SYNDIG1: variants seen among roughly 807,000 people sequenced by gnomAD.
The protein encoded by SYNDIG1 is synapse differentiation-inducing gene protein 1.
Under a neutral mutation model 19.4 loss-of-function variants are expected in SYNDIG1, and 9 were observed. That is an observed-to-expected ratio of 0.46 (90% CI 0.28 to 0.81). The LOEUF is 0.81. Ranked by LOEUF, SYNDIG1 falls within the 30% of genes least tolerant of loss-of-function variation. The pLI is 0.12. For synonymous variants in SYNDIG1, 141 were observed against 145.9 expected (o/e 0.97, Z 0.24); for missense variants, 311 against 343.3 (o/e 0.91, Z 0.74).
intron 1 of SYNDIG1, among the ~76,000 whole-genome samples, chr20:24,527,316 A>C (rs570238105): frequency 6.6e-6 from 1 of 152,162 alleles, no homozygotes; most frequent in East Asian, 1.9e-4. Context: ...TTTTTACTCC[A>C]ACAAAAATAT....
intron 2 of SYNDIG1, among the ~76,000 whole-genome samples, chr20:24,563,505 C>A (rs1158678280): frequency 2.0e-5 from 3 of 152,180 alleles, no homozygotes; most frequent in Non-Finnish European, 2.9e-5. Flanking sequence ...CCTAAATGAC[C>A]ACATGCTGCG....
At chr20:24,567,567 G>A (rs2058070276) in intron 2 of SYNDIG1, among the ~76,000 whole-genome samples, 1 of 152,226 alleles carries the variant, frequency 6.6e-6, no homozygotes, top group Non-Finnish European at 1.5e-5. Flanking sequence ...TCTGACCTGT[G>A]TGATGTGGAA....
intron 2 of SYNDIG1, among the ~76,000 whole-genome samples, chr20:24,578,988 G>T (rs1040561177): frequency 6.6e-6 from 1 of 152,206 alleles, no homozygotes; most frequent in Non-Finnish European, 1.5e-5. Context: ...GGCTTGAGCC[G>T]AGCCACCCGT....
chr20:24,496,353 A>G (rs959969085), intron 1 of SYNDIG1, among the ~76,000 whole-genome samples: 4 of 152,240 alleles, frequency 2.6e-5, no homozygotes, highest in Non-Finnish European at 1.5e-5. Context: ...GTTAATGAAC[A>G]TGGATATCTC....
In SYNDIG1 at chr20:24,480,628, A is replaced by G. The variant is rs1344653363; in HGVS notation, c.-79+10875A>G. Among the ~76,000 whole-genome samples the G allele has an allele frequency of 2.0e-5, 3 of 152,234 alleles. No individual in the cohort carries two copies. The East Asian group carries it at 5.8e-4, about 29-fold the overall frequency. ...ATCCAGCAGTCCCACTTCTGGGTAT[A>G]TATCCAAAATAATGGAAAGCAGAGT... On this transcript the variant is annotated intron_variant, in intron 1 of 3. Coordinates refer to ENST00000376862, the MANE Select transcript of SYNDIG1 (RefSeq NM_024893.3).
chr20:24,473,167 G>A lies in SYNDIG1; in HGVS notation c.-79+3414G>A, dbSNP rs138621325. On this transcript the variant is annotated intron_variant, in intron 1 of 3. Transcript: ENST00000376862. ...GGTGACAAGGACTGAAGTATGTGGGGTGTTAATTTGACAACACCAGCAGAA... is the reference window on the plus strand; with the variant it reads ...GGTGACAAGGACTGAAGTATGTGGGATGTTAATTTGACAACACCAGCAGAA... Among the ~76,000 whole-genome samples, 1,300 of 152,276 alleles carry A rather than the reference G, an allele frequency of 8.5e-3. 17 individuals are homozygous for A. The highest frequency in any genetic ancestry group is 0.028 in the African/African-American group (1,146 of 41,540).
chr20:24,507,887 C>T (rs754421854), intron 1 of SYNDIG1, among the ~76,000 whole-genome samples: 6 of 152,140 alleles, frequency 3.9e-5, no homozygotes, highest in Non-Finnish European at 7.4e-5. Flanking sequence ...GCTGGTGGGA[C>T]AGCCAGGAGG....
At chr20:24,502,866 T>TAAAGCA (rs1339623267) in intron 1 of SYNDIG1, among the ~76,000 whole-genome samples, 1 of 152,242 alleles carries the variant, frequency 6.6e-6, no homozygotes, top group African/African-American at 2.4e-5. Context: ...CAGTGCCTGC[T>TAAAGCA]GACGTGTCTG....
In SYNDIG1 at chr20:24,666,478, CTTAAG is replaced by C. The variant is rs1237608967; in HGVS notation, c.*978_*982del. 1 of 152,640 alleles carries C rather than the reference CTTAAG, an allele frequency of 6.6e-6. No individual in the cohort carries two copies. The highest frequency in any genetic ancestry group is 1.5e-5 in the Non-Finnish European group (1 of 68,056). The allele number at this position is 152,640 out of a possible 1,614,324, so 9.5% of individuals were successfully genotyped here. On this transcript the variant is annotated 3_prime_UTR_variant, in exon 4 of 4. Coordinates refer to ENST00000376862, the MANE Select transcript of SYNDIG1 (RefSeq NM_024893.3). ...AAAGTGCAACTCTTGCTTCATGCTG[CTTAAG>C]TTACCAGATGAATGCTGAGAAATAA...
intron 3 of SYNDIG1, among the ~76,000 whole-genome samples, chr20:24,598,133 C>G (rs2147108628): frequency 6.6e-6 from 1 of 152,268 alleles, no homozygotes; most frequent in Non-Finnish European, 1.5e-5. Flanking sequence ...GGCCACAGCT[C>G]CAGTTCTCTG....
chr20:24,480,531 T>G (rs1170226827), intron 1 of SYNDIG1, among the ~76,000 whole-genome samples: 1 of 152,154 alleles, frequency 6.6e-6, no homozygotes, highest in Non-Finnish European at 1.5e-5. Flanking sequence ...TGGGGAACTG[T>G]GAGAGGACGT....
intron 1 of SYNDIG1, among the ~76,000 whole-genome samples, chr20:24,489,738 C>T (rs972005987): frequency 1.5e-4 from 23 of 152,236 alleles, no homozygotes; most frequent in Non-Finnish European, 2.4e-4. Flanking sequence ...AATGTCACTG[C>T]GGCATGGAGG....
At chr20:24,600,956 G>A (rs2058671176) in intron 3 of SYNDIG1, among the ~76,000 whole-genome samples, 1 of 152,088 alleles carries the variant, frequency 6.6e-6, no homozygotes, top group Non-Finnish European at 1.5e-5. Context: ...AAGCCACATT[G>A]CATCTGAATG....
intron 2 of SYNDIG1, among the ~76,000 whole-genome samples, chr20:24,555,875 T>A (rs2146833791): frequency 6.6e-6 from 1 of 152,302 alleles, no homozygotes; most frequent in East Asian, 1.9e-4. Context: ...AATTTCTGTC[T>A]CGTTGATCTG....
intron 1 of SYNDIG1, among the ~76,000 whole-genome samples, chr20:24,476,724 T>A (rs1473423805): frequency 1.3e-5 from 2 of 151,980 alleles, no homozygotes; most frequent in Non-Finnish European, 2.9e-5. Context: ...GGATATTAAG[T>A]ATCACACACT....
intron 3 of SYNDIG1, among the ~76,000 whole-genome samples, chr20:24,607,981 C>A (rs1036289245): frequency 6.6e-6 from 1 of 152,130 alleles, no homozygotes; most frequent in African/African-American, 2.4e-5. Flanking sequence ...GGATGAGATC[C>A]TCTTATGAAA....
intron 2 of SYNDIG1, among the ~76,000 whole-genome samples, chr20:24,575,310 G>A (rs541257595): frequency 1.0e-3 from 153 of 152,368 alleles, no homozygotes; most frequent in Middle Eastern, 6.8e-3. Context: ...TAAAGAAATA[G>A]GACGGAGGTG....
At chr20:24,584,548 A>C (rs538814099) in intron 2 of SYNDIG1, among the ~76,000 whole-genome samples, 100 of 152,210 alleles carry the variant, frequency 6.6e-4, no homozygotes, top group African/African-American at 2.4e-3. Context: ...CCATCCAGGC[A>C]CTCACATCCC....
At chr20:24,577,674 C>T (rs139968877) in intron 2 of SYNDIG1, among the ~76,000 whole-genome samples, 2 of 152,366 alleles carry the variant, frequency 1.3e-5, no homozygotes, top group East Asian at 3.9e-4. Context: ...GCTGTGTCTT[C>T]TGCCTACAGC....
Sources: gnomAD v4.1 joint callset for allele counts (sites outside exome capture counted in the v4.1 genomes callset) on GRCh38, gnomAD v4.1.1 for gene constraint, MANE v1.5 for transcripts, NCBI Gene and HGNC (gene_info 2026-07-23, HGNC 2026-07-21) for gene names.